GRIN2A: variants seen among roughly 807,000 people sequenced by gnomAD.
GRIN2A encodes glutamate receptor ionotropic, NMDA 2A.
Under a neutral mutation model 113.4 loss-of-function variants are expected in GRIN2A, and 22 were observed. That is an observed-to-expected ratio of 0.19 (90% CI 0.14 to 0.28). The LOEUF is 0.28. Ranked by LOEUF, GRIN2A falls within the 10% of genes least tolerant of loss-of-function variation. The pLI, the probability that GRIN2A is intolerant of heterozygous loss-of-function variation, is 1.00. For missense variants in GRIN2A, 1,502 were observed against 1,887.0 expected (o/e 0.80, Z 3.78); for synonymous variants, 827 against 738.4 (o/e 1.12, Z -1.94).
intron 3 of GRIN2A, among the ~76,000 whole-genome samples, chr16:9,903,882 T>A (rs1041005753): frequency 6.6e-6 from 1 of 152,220 alleles, no homozygotes; most frequent in African/African-American, 2.4e-5. Context: ...GAAGCTGATA[T>A]GAAGGGTGCT....
At chr16:9,902,941 T>G (rs1166979725) in intron 3 of GRIN2A, among the ~76,000 whole-genome samples, 2 of 31,420 alleles carry the variant, frequency 6.4e-5, no homozygotes, top group Admixed American at 2.4e-4. Flanking sequence ...CTTGGTTCTG[T>G]TTTTTTTTTT....
At chr16:10,049,399 A>G (rs76815895) in intron 2 of GRIN2A, among the ~76,000 whole-genome samples, 3,584 of 150,338 alleles carry the variant, frequency 0.024, 159 homozygotes, top group African/African-American at 0.084. Flanking sequence ...TTTTTTCGAG[A>G]CAGAGTCTTG....
At chr16:9,919,528 A>T (rs2044318424) in intron 3 of GRIN2A, among the ~76,000 whole-genome samples, 1 of 152,182 alleles carries the variant, frequency 6.6e-6, no homozygotes, top group Admixed American at 6.5e-5. Flanking sequence ...GGAGAAGAGA[A>T]ATGGAATCTG....
At chr16:9,826,467 C>T (rs886396788) in intron 9 of GRIN2A, among the ~76,000 whole-genome samples, 2 of 152,142 alleles carry the variant, frequency 1.3e-5, no homozygotes, top group African/African-American at 4.8e-5. Context: ...ACAGCAAGCA[C>T]TAATGGCTTA....
rs904984392 is a variant in GRIN2A at position 9,822,177 on chromosome 16, A to T, written c.2168+87T>A. ...CACTCTCCAGAAATACAATGGGAGCAGATAGGAACTGAGGCATGCCGAGAG... is the reference window on the plus strand; with the variant it reads ...CACTCTCCAGAAATACAATGGGAGCTGATAGGAACTGAGGCATGCCGAGAG... On this transcript the variant is annotated intron_variant, in intron 10 of 12. Transcript: ENST00000330684. 4 of 1,305,858 alleles carry T rather than the reference A, an allele frequency of 3.1e-6. No homozygotes were observed. In the African/African-American group the frequency reaches 5.8e-5, roughly 19 times the overall value. The allele number at this position is 1,305,858 out of a possible 1,614,324, so 80.9% of individuals were successfully genotyped here.
At chr16:10,167,176 T>C (rs1052583425) in intron 2 of GRIN2A, among the ~76,000 whole-genome samples, 1 of 152,160 alleles carries the variant, frequency 6.6e-6, no homozygotes, top group Non-Finnish European at 1.5e-5. Context: ...TGAAAGGGTT[T>C]CAGAGGGTCT....
intron 10 of GRIN2A, among the ~76,000 whole-genome samples, chr16:9,815,691 G>C (rs1215170725): frequency 1.3e-5 from 2 of 152,176 alleles, no homozygotes; most frequent in Non-Finnish European, 2.9e-5. Context: ...ATGCAAATGG[G>C]ACTGTGGAAA....
At chr16:10,181,703 A>G (rs1467604001) in intron 1 of GRIN2A, 174 bp downstream of exon 1, 1 of 152,520 alleles carries the variant, frequency 6.6e-6, no homozygotes, top group Non-Finnish European at 1.5e-5. Flanking sequence ...GTTCCTGGGT[A>G]AGCGCCGCGG....
intron 2 of GRIN2A, among the ~76,000 whole-genome samples, chr16:10,120,398 C>T (rs1384505216): frequency 1.3e-5 from 2 of 152,146 alleles, no homozygotes; most frequent in African/African-American, 4.8e-5. Context: ...GATATTATAA[C>T]CTAAGGTTCC....
At chr16:9,983,728 C>G (rs1285883640) in intron 2 of GRIN2A, among the ~76,000 whole-genome samples, 4 of 152,134 alleles carry the variant, frequency 2.6e-5, no homozygotes, top group Non-Finnish European at 5.9e-5. Flanking sequence ...TGTGAGCCAC[C>G]GCGCCCAGCC....
chr16:9,997,360 T>C (rs1409439061), intron 2 of GRIN2A, among the ~76,000 whole-genome samples: 3 of 152,240 alleles, frequency 2.0e-5, no homozygotes, highest in African/African-American at 7.2e-5. Flanking sequence ...ATCCAGATTC[T>C]ATCCCGGGGG....
chr16:9,912,008 T>C (rs1295219888), intron 3 of GRIN2A, among the ~76,000 whole-genome samples: 5 of 152,106 alleles, frequency 3.3e-5, no homozygotes, highest in African/African-American at 9.7e-5. Context: ...CCTCATAGTG[T>C]TGGTGGGAGG....
chr16:9,940,495 C>T (rs1271066350), intron 2 of GRIN2A, among the ~76,000 whole-genome samples: 2 of 152,142 alleles, frequency 1.3e-5, no homozygotes, highest in Non-Finnish European at 2.9e-5. Context: ...AGACTGTGAG[C>T]TCCTCAAGGG....
intron 2 of GRIN2A, among the ~76,000 whole-genome samples, chr16:10,106,423 T>A (rs1323028145): frequency 1.3e-5 from 2 of 151,828 alleles, no homozygotes; most frequent in African/African-American, 2.4e-5. Flanking sequence ...TTTAAAAAAA[T>A]TTACAATAAA....
At chr16:9,993,423 G>A (rs1033298731) in intron 2 of GRIN2A, among the ~76,000 whole-genome samples, 1 of 151,884 alleles carries the variant, frequency 6.6e-6, no homozygotes, top group Admixed American at 6.6e-5. Flanking sequence ...GAGTATGGTG[G>A]CCTGCACCTG....
At chr16:10,080,058 A>ATGTAAAG (rs1392843503) in intron 2 of GRIN2A, among the ~76,000 whole-genome samples, 2 of 152,240 alleles carry the variant, frequency 1.3e-5, no homozygotes, top group Non-Finnish European at 2.9e-5. Flanking sequence ...AAATTGATTC[A>ATGTAAAG]TGTAAAGTAC....
At chr16:10,099,451 A>G (rs916271828) in intron 2 of GRIN2A, among the ~76,000 whole-genome samples, 1 of 150,822 alleles carries the variant, frequency 6.6e-6, no homozygotes, top group Non-Finnish European at 1.5e-5. Context: ...AGAGAAGGAA[A>G]GAGAATGCCA....
intron 2 of GRIN2A, among the ~76,000 whole-genome samples, chr16:10,056,227 A>G (rs2141997239): frequency 6.6e-6 from 1 of 152,344 alleles, no homozygotes; most frequent in Middle Eastern, 3.4e-3. Flanking sequence ...TGATTCACCC[A>G]TACATATATC....
intron 2 of GRIN2A, chr16:10,111,860 C>G: frequency 9.9e-7 from 1 of 1,006,530 alleles, no homozygotes; most frequent in Non-Finnish European, 1.5e-6. Context: ...ATCATCTCCT[C>G]CCGAGACATC....
Sources: gnomAD v4.1 joint callset for allele counts (sites outside exome capture counted in the v4.1 genomes callset) on GRCh38, gnomAD v4.1.1 for gene constraint, MANE v1.5 for transcripts, NCBI Gene and HGNC (gene_info 2026-07-23, HGNC 2026-07-21) for gene names.